PAN3: variants seen among roughly 807,000 people sequenced by gnomAD.
The protein encoded by PAN3 is poly(A) specific ribonuclease subunit PAN3, also known as PAN2-PAN3 deadenylation complex subunit PAN3.
In PAN3, 19 loss-of-function variants were observed where a neutral mutation model predicts 96.2. The ratio of observed to expected loss-of-function variants is 0.20; its 90% CI spans 0.14 to 0.29. The LOEUF (loss-of-function observed/expected upper bound fraction) is 0.29. Among genes scored for constraint, PAN3 ranks in the 10% least tolerant of loss-of-function variants. PAN3 has a pLI of 1.00. For synonymous variants in PAN3, 433 were observed against 406.6 expected, an observed-to-expected ratio of 1.06 and a Z score of -0.78; for missense variants, 882 against 1,108.1, an observed-to-expected ratio of 0.80 and a Z score of 2.90.
chr13:28,242,738 T>G (rs1883799483), intron 6 of PAN3, among the ~76,000 whole-genome samples: 1 of 152,184 alleles, frequency 6.6e-6, no homozygotes, highest in Non-Finnish European at 1.5e-5. Flanking sequence ...GTATCAATCT[T>G]TAGAGAATTT....
At chr13:28,185,117 A>T (rs1410763113) in intron 4 of PAN3, among the ~76,000 whole-genome samples, 1 of 152,116 alleles carries the variant, frequency 6.6e-6, no homozygotes, top group Non-Finnish European at 1.5e-5. Flanking sequence ...ATACACTGTG[A>T]TTTTTATTGT....
chr13:28,229,075 C>T (rs1408507125), intron 6 of PAN3, among the ~76,000 whole-genome samples: 1 of 152,090 alleles, frequency 6.6e-6, no homozygotes, highest in Non-Finnish European at 1.5e-5. Context: ...ATGGGATGAC[C>T]CAAGCCTGGA....
intron 6 of PAN3, among the ~76,000 whole-genome samples, chr13:28,223,871 A>AT (rs560571140): frequency 0.045 from 3,356 of 75,064 alleles, 748 homozygotes; most frequent in African/African-American, 0.058. Flanking sequence ...ATGAAAAGTG[A>AT]TTTTTTTTTT....
In PAN3 at chr13:28,294,282, T is replaced by A. The variant is rs117366562; in HGVS notation, c.*1760T>A. 16 of 152,798 alleles carry A rather than the reference T, an allele frequency of 1.0e-4. No homozygotes were observed. The highest frequency in any genetic ancestry group is 2.2e-4 in the Non-Finnish European group (15 of 68,026). 9.5% of individuals were successfully genotyped at this position (152,798 alleles called of 1,614,324 possible). On this transcript the variant is annotated 3_prime_UTR_variant, in exon 19 of 19. Coordinates refer to ENST00000380958, the MANE Select transcript of PAN3 (RefSeq NM_175854.8). ...TTCACATTTGCCACCATAATGTTCTTTTTTATGTAAAAAGAAGAACTTGGA... is the reference window on the plus strand; with the variant it reads ...TTCACATTTGCCACCATAATGTTCTATTTTATGTAAAAAGAAGAACTTGGA...
Position 28,292,514 on chromosome 13 carries a change from C to A in PAN3, c.2656C>A (p.Gln886Lys). 6.2e-7 allele frequency: 1 copy of A among 1,610,676 alleles called. No individual in the cohort carries two copies. The highest frequency in any genetic ancestry group is 1.1e-5 in the South Asian group (1 of 90,106). ...AGAACTGATTGCAGCTGCAAATGGT[C>A]AGTTGTAGTATTTGCTAAAAAAGCA... The part of the protein sequence containing the change: ...FQELIAAANG[Q>K]L The change falls in exon 19 of 19, where the codon CAG becomes AAG. Residue 886 changes from glutamine (Q) to lysine (K), a missense_variant. This residue lies in a region of PAN3 where 76 missense variants were observed against 171.7 expected (regional missense o/e 0.44). Coordinates refer to ENST00000380958, the MANE Select transcript of PAN3 (RefSeq NM_175854.8).
chr13:28,141,454 CTTTTTTTCTTTTTTTT>C (rs1443404354), intron 1 of PAN3, among the ~76,000 whole-genome samples: 2 of 123,912 alleles, frequency 1.6e-5, no homozygotes, highest in Non-Finnish European at 3.5e-5. Context: ...TTTTCTTTTT[CTTTTTTTCTTTTTTTT>C]TTTTTTTTTT....
chr13:28,276,901 T>A (rs1887105975), intron 14 of PAN3, among the ~76,000 whole-genome samples: 1 of 152,064 alleles, frequency 6.6e-6, no homozygotes, highest in Admixed American at 6.6e-5. Flanking sequence ...TAAGAAAAAA[T>A]TAGAAAAACT....
chr13:28,237,682 G>T (rs1308237511), intron 6 of PAN3, among the ~76,000 whole-genome samples: 1 of 152,128 alleles, frequency 6.6e-6, no homozygotes, highest in African/African-American at 2.4e-5. Context: ...AAATTGGTGG[G>T]TGAAGAATAA....
intron 15 of PAN3, among the ~76,000 whole-genome samples, chr13:28,279,452 A>G (rs1165680792): frequency 1.3e-5 from 2 of 152,158 alleles, no homozygotes; most frequent in Non-Finnish European, 2.9e-5. Context: ...CCTCTCAAAA[A>G]AGTTTCTAAA....
rs570586659 is a variant in PAN3 at position 28,138,599 on chromosome 13, A to ATGG, written c.-52_-50dup. On this transcript the variant is annotated 5_prime_UTR_variant, in exon 1 of 19. Transcript: ENST00000380958. Reference sequence around the variant, plus strand: ...AGCGTCTTCCTTTCCTCCCCCGTCTATGGTGGTGGCGGCGGCGGCTCCTCG... The same window carrying ATGG: ...AGCGTCTTCCTTTCCTCCCCCGTCTATGGTGGTGGTGGCGGCGGCGGCTCCTCG... 2.7e-6 allele frequency: 1 copy of ATGG among 370,880 alleles called. No homozygotes were observed. The highest frequency in any genetic ancestry group is 5.8e-5 in the East Asian group (1 of 17,386). The allele number at this position is 370,880 out of a possible 1,614,324, so 23.0% of individuals were successfully genotyped here.
chr13:28,277,263 A>C lies in PAN3; in HGVS notation c.2076A>C (p.Lys692Asn). ...YQQADLISLG[K>N]VVLALACNSL... ...AAGCAGATCTGATATCATTAGGAAA[A>C]GTTGTGTTGGCTTTGGCTTGCAACT... The change falls in exon 15 of 19, where the codon AAA (lysine) becomes AAC (asparagine). Residue 692 changes from lysine (K) to asparagine (N), a missense_variant. Coordinates refer to ENST00000380958, the MANE Select transcript of PAN3 (RefSeq NM_175854.8). 1 of 1,612,390 alleles carries C rather than the reference A, an allele frequency of 6.2e-7. No homozygotes were observed. The highest frequency in any genetic ancestry group is 8.5e-7 in the Non-Finnish European group (1 of 1,179,368).
intron 17 of PAN3, among the ~76,000 whole-genome samples, chr13:28,287,188 GA>G (rs1027312703): frequency 6.6e-6 from 1 of 152,106 alleles, no homozygotes; most frequent in Admixed American, 6.6e-5. Flanking sequence ...ACTTCCTCTG[GA>G]AAACCTTCCT....
At chr13:28,203,129 A>AT (rs879419842) in intron 5 of PAN3, among the ~76,000 whole-genome samples, 55 of 137,958 alleles carry the variant, frequency 4.0e-4, no homozygotes, top group South Asian at 1.6e-3. Flanking sequence ...TGCCTGGCTA[A>AT]TTTTTTTTTT....
At chr13:28,247,057 C>G (rs917571092) in intron 6 of PAN3, among the ~76,000 whole-genome samples, 7 of 152,010 alleles carry the variant, frequency 4.6e-5, no homozygotes, top group African/African-American at 1.7e-4. Flanking sequence ...CAATGTTCTC[C>G]TTTTTCCATA....
rs189367093 is a variant in PAN3, at chr13:28,191,358, T to C, written c.691-5827T>C. ...CTGTTATTATTGCCTCAAGTTCATATCCTTCTTTCTCGACTAGTGATTCGT... is the reference window on the plus strand; with the variant it reads ...CTGTTATTATTGCCTCAAGTTCATACCCTTCTTTCTCGACTAGTGATTCGT... On this transcript the variant is annotated intron_variant, in intron 4 of 18. Transcript: ENST00000380958. Among the ~76,000 whole-genome samples, 20 of 152,338 alleles carry C rather than the reference T, an allele frequency of 1.3e-4. No individual in the cohort carries two copies. The East Asian group carries it at 1.4e-3, about 10-fold the overall frequency.
At chr13:28,264,792 A>G (rs1238544823) in intron 9 of PAN3, among the ~76,000 whole-genome samples, 1 of 152,144 alleles carries the variant, frequency 6.6e-6, no homozygotes, top group Non-Finnish European at 1.5e-5. Context: ...GAGTTCTTGG[A>G]TCCCACTTCA....
rs1384584014 is a variant in PAN3, at chr13:28,174,305, C to G, written c.464C>G (p.Thr155Arg). The G allele has an allele frequency of 1.2e-6, 2 of 1,612,698 alleles. No individual in the cohort carries two copies. The highest frequency in any genetic ancestry group is 2.2e-5 in the East Asian group (1 of 44,828). The stretch of plus-strand genomic sequence containing the variant: ...ATGGATGGAGGTGCTTTAACTGATA[C>G]AAGTCTCACAGATTCCTATTTTAGC... The part of the protein sequence containing the change: ...PGMDGGALTD[T>R]SLTDSYFSTS... The change falls in exon 2 of 19, where the codon ACA becomes AGA. Residue 155 changes from threonine to arginine, a missense_variant. This residue lies in a region of PAN3 where 442 missense variants were observed against 422.8 expected (regional missense o/e 1.05). Coordinates refer to ENST00000380958, the MANE Select transcript of PAN3 (RefSeq NM_175854.8).
chr13:28,171,673 T>C (rs1593404464), intron 1 of PAN3, among the ~76,000 whole-genome samples: 1 of 152,182 alleles, frequency 6.6e-6, no homozygotes, highest in African/African-American at 2.4e-5. Context: ...CTCTGTGGAG[T>C]TGGGGTGTGC....
chr13:28,270,983 C>A, intron 13 of PAN3, 117 bp downstream of exon 13: 1 of 1,033,378 alleles, frequency 9.7e-7, no homozygotes, highest in South Asian at 2.0e-5. Context: ...AGAAGAACTT[C>A]TGTAACTTTG....
Sources: gnomAD v4.1 joint callset for allele counts (sites outside exome capture counted in the v4.1 genomes callset) on GRCh38, gnomAD v4.1.1 for gene constraint, gnomAD v4.1.1 regional missense constraint, MANE v1.5 for transcripts, NCBI Gene and HGNC (gene_info 2026-07-23, HGNC 2026-07-21) for gene names.